The following CTSO variants were observed in gnomAD, a reference collection of about 807,000 sequenced individuals.
CTSO encodes cathepsin O.
Under a neutral mutation model 42.4 loss-of-function variants are expected in CTSO, and 40 were observed. That is an observed-to-expected ratio of 0.94 (90% confidence interval 0.73 to 1.23). The LOEUF (loss-of-function observed/expected upper bound fraction) is 1.23. Among genes scored for constraint, CTSO ranks in the 50% most tolerant of loss-of-function variants. The probability of loss-of-function intolerance (pLI) is 0.00; values close to 1 mark genes in which losing one functional copy is unlikely to be tolerated. For missense variants in CTSO, 441 were observed against 396.0 expected (o/e 1.11, Z -0.96); for synonymous variants, 156 against 146.2 (o/e 1.07, Z -0.48).
chr4:155,937,745 G>T lies in CTSO; in HGVS notation c.553-262C>A, dbSNP rs72962449. Among the ~76,000 whole-genome samples, 131 of 152,038 alleles carry T rather than the reference G, an allele frequency of 8.6e-4. 1 individual carries two copies. The highest frequency in any genetic ancestry group is 3.1e-3 in the African/African-American group (128 of 41,474). ...TCATCCCACCTCCGTCTCCCCAGTAGCTGTGACTACAGGTATGAGCCACCA... is the reference window on the plus strand; with the variant it reads ...TCATCCCACCTCCGTCTCCCCAGTATCTGTGACTACAGGTATGAGCCACCA... On this transcript the variant is annotated intron_variant, in intron 4 of 7. Transcript: ENST00000433477.
At position 155,929,662 on chromosome 4, in the gene CTSO, G is replaced by C. The variant is rs776307472; in HGVS notation, c.718C>G (p.Pro240Ala). ...EMAKALLTFG[P>A]LVVIVDAVSW... ...ACTGCATCTACTATGACTACCAAAG[G>C]GCCAAAGGTAAGAAGTGCTTTTGCC... Residue 240 changes from proline to alanine, a missense_variant, in exon 6 of 8, where the codon CCT becomes GCT. By Grantham distance (27) the Pro-to-Ala change is conservative (BLOSUM62 -1). Transcript: ENST00000433477. The C allele has an allele frequency of 6.2e-7, 1 of 1,613,384 alleles. No homozygotes were observed. The highest frequency in any genetic ancestry group is 8.5e-7 in the Non-Finnish European group (1 of 1,179,832).
At chr4:155,926,104 C>T (rs190558877) in intron 7 of CTSO, 34 bp from the exon 8 acceptor site, 7 of 1,480,344 alleles carry the variant, frequency 4.7e-6, no homozygotes, top group Non-Finnish European at 6.5e-6. Context: ...TAGTCTATTT[C>T]CTCTTTAGAT....
At chr4:155,935,661 T>C (rs1514016) in intron 5 of CTSO, among the ~76,000 whole-genome samples, 143,980 of 152,136 alleles carry the variant, frequency 0.95, 68,377 homozygotes, top group East Asian at 1. Flanking sequence ...TTACAGCCAA[T>C]ATGCCACATG....
chr4:155,949,313 T>C (rs192965402), intron 1 of CTSO, among the ~76,000 whole-genome samples: 1 of 152,340 alleles, frequency 6.6e-6, no homozygotes, highest in Admixed American at 6.5e-5. Context: ...TTATAAACTT[T>C]AAGGGACTTC....
chr4:155,938,700 G>T (rs1370228613), intron 4 of CTSO, among the ~76,000 whole-genome samples: 1 of 152,102 alleles, frequency 6.6e-6, no homozygotes, highest in Non-Finnish European at 1.5e-5. Flanking sequence ...GCTGAGGCGG[G>T]TGGATCACAA....
In CTSO at chr4:155,937,566, G is replaced by T. The variant is rs143039192; in HGVS notation, c.553-83C>A. ...AACTTACTTCACTGTGTCAAAACAG[G>T]TTCAATTTCACACACCTTCATCATG... On this transcript the variant is annotated intron_variant, in intron 4 of 7. Coordinates refer to ENST00000433477, the MANE Select transcript of CTSO (RefSeq NM_001334.3). The T allele has an allele frequency of 3.4e-4, 449 of 1,329,216 alleles. 2 individuals carry two copies. In the African/African-American group the frequency reaches 5.7e-3, roughly 17 times the overall value. The allele number at this position is 1,329,216 out of a possible 1,614,324, so 82.3% of individuals were successfully genotyped here. A position where few individuals can be genotyped will look rare whatever the true frequency, so the allele number is the denominator to read the frequency against.
chr4:155,938,987 A>T (rs776495913), intron 4 of CTSO, among the ~76,000 whole-genome samples: 1 of 152,080 alleles, frequency 6.6e-6, no homozygotes, highest in South Asian at 2.1e-4. Flanking sequence ...AGAGCTAAAA[A>T]ATTAGTCTCT....
rs1743390810 is a variant in CTSO, at chr4:155,939,479, C to G, written c.444G>C (p.Lys148Asn). 1.2e-6 allele frequency: 2 copies of G among 1,614,050 alleles called. No homozygotes were observed. Among genetic ancestry groups the G allele is most frequent in the Non-Finnish European group, 1.7e-6 (2 of 1,180,028 alleles). ...CACTTAGGTCTTCCAGGGGCTTCCC[C>G]TTTATTGCATAAGCAGATTCCACTG... is the stretch of plus-strand genomic sequence containing the variant. Reference protein sequence around the residue: ...VGAVESAYAIKGKPLEDLSVQ... With the variant: ...VGAVESAYAINGKPLEDLSVQ... The change falls in exon 4 of 8, where the codon AAG becomes AAC. Residue 148 changes from lysine (K) to asparagine (N), a missense_variant. Transcript: ENST00000433477.
chr4:155,927,075 A>G (rs1408586601), intron 7 of CTSO, among the ~76,000 whole-genome samples: 2 of 152,158 alleles, frequency 1.3e-5, no homozygotes, highest in Non-Finnish European at 2.9e-5. Context: ...TATTCTGGCC[A>G]ATATATTTCT....
intron 4 of CTSO, among the ~76,000 whole-genome samples, chr4:155,938,833 A>G (rs964135216): frequency 6.6e-5 from 10 of 152,056 alleles, no homozygotes; most frequent in African/African-American, 2.4e-4. Flanking sequence ...GTGGGCACCT[A>G]TAGTTCCCAG....
intron 6 of CTSO, 21 bp from the exon 7 acceptor site, chr4:155,928,449 T>A: frequency 6.5e-7 from 1 of 1,533,784 alleles, no homozygotes; most frequent in Non-Finnish European, 8.9e-7. Flanking sequence ...ACATAAATAG[T>A]AACAAATCCT....
rs151319555 is a variant in CTSO, at chr4:155,935,291, C to T, written c.674+2071G>A. Among the ~76,000 whole-genome samples the T allele has an allele frequency of 5.4e-3, 817 of 152,180 alleles. 7 individuals carry two copies. The highest frequency in any genetic ancestry group is 0.019 in the African/African-American group (794 of 41,514). On this transcript the variant is annotated intron_variant, in intron 5 of 7. Transcript: ENST00000433477. ...AATTAAACCTCTTTTTCTTTCCAGT[C>T]TTGGGTATGTCTTTATCAGCAGCAC...
At chr4:155,934,474 T>A (rs1208232541) in intron 5 of CTSO, among the ~76,000 whole-genome samples, 2 of 152,112 alleles carry the variant, frequency 1.3e-5, no homozygotes, top group Non-Finnish European at 2.9e-5. Context: ...CCCAGAATGG[T>A]AGATCCACTG....
intron 4 of CTSO, 131 bp from the exon 5 acceptor site, chr4:155,937,614 T>C: frequency 2.3e-6 from 2 of 882,474 alleles, no homozygotes. Context: ...GCGTTCTTTT[T>C]TTTTTCTTTT....
intron 1 of CTSO, among the ~76,000 whole-genome samples, chr4:155,950,965 G>A (rs2110940167): frequency 6.6e-6 from 1 of 152,044 alleles, no homozygotes; most frequent in East Asian, 1.9e-4. Flanking sequence ...CTTGGATAAA[G>A]CCTATTTGGA....
intron 3 of CTSO, 115 bp from the exon 4 acceptor site, chr4:155,939,653 AAAAT>A: frequency 3.4e-6 from 3 of 886,794 alleles, no homozygotes; most frequent in Non-Finnish European, 5.0e-6. Context: ...GGAAACCTAC[AAAAT>A]AAATACGCCT....
At position 155,943,151 on chromosome 4, in the gene CTSO, T is replaced by C. The variant is rs539763854; in HGVS notation, c.244+5A>G. The C allele has an allele frequency of 1.3e-6, 2 of 1,566,494 alleles. No individual in the cohort carries two copies. Among genetic ancestry groups the C allele is most frequent in the Admixed American group, 1.7e-5 (1 of 57,660 alleles). On this transcript the variant is annotated splice_donor_5th_base_variant and intron_variant, in intron 2 of 7. Transcript: ENST00000433477. The stretch of plus-strand genomic sequence containing the variant: ...AACCACCTAAATAGCAACATCGGAC[T>C]ATACCTTTAAACTCTTCAGGAAACA...
chr4:155,926,438 C>T lies in CTSO; in HGVS notation c.932-368G>A, dbSNP rs576193443. Reference sequence around the variant, plus strand: ...AATTATTTTAAATACAATTTCATAACTCAAATTCTAAAATTTGAATGTGGG... The same window carrying T: ...AATTATTTTAAATACAATTTCATAATTCAAATTCTAAAATTTGAATGTGGG... On this transcript the variant is annotated intron_variant, in intron 7 of 7. Transcript: ENST00000433477. 3.9e-5 allele frequency among the ~76,000 whole-genome samples: 6 copies of T among 152,282 alleles called. No individual in the cohort carries two copies. The East Asian group carries it at 7.7e-4, about 20-fold the overall frequency.
At chr4:155,948,598 T>C (rs182258469) in intron 1 of CTSO, among the ~76,000 whole-genome samples, 1 of 152,126 alleles carries the variant, frequency 6.6e-6, no homozygotes, top group Admixed American at 6.5e-5. Context: ...AGAGGATGGG[T>C]TCAGTCTGAT....
Sources: gnomAD v4.1 joint callset for allele counts (sites outside exome capture counted in the v4.1 genomes callset) on GRCh38, gnomAD v4.1.1 for gene constraint, MANE v1.5 for transcripts, NCBI Gene and HGNC (gene_info 2026-07-23, HGNC 2026-07-21) for gene names.